Variants in RUNDC3B observed in about 807,000 individuals in gnomAD.
The protein encoded by RUNDC3B is RUN domain containing 3B.
In RUNDC3B, 33 loss-of-function variants were observed where a neutral mutation model predicts 58.4. The ratio of observed to expected loss-of-function variants is 0.56; its 90% CI spans 0.43 to 0.75. RUNDC3B has a LOEUF of 0.75. Ranked by LOEUF, RUNDC3B falls within the 30% of genes least tolerant of loss-of-function variation. The pLI, the probability that RUNDC3B is intolerant of heterozygous loss-of-function variation, is 0.00. For synonymous variants in RUNDC3B, 193 were observed against 195.2 expected, an observed-to-expected ratio of 0.99 and a Z score of 0.10; for missense variants, 501 against 535.7, an observed-to-expected ratio of 0.94 and a Z score of 0.64.
At chr7:87,673,017 T>C (rs1323523855) in intron 2 of RUNDC3B, among the ~76,000 whole-genome samples, 1 of 152,204 alleles carries the variant, frequency 6.6e-6, no homozygotes, top group Non-Finnish European at 1.5e-5. Flanking sequence ...GGAATTCCTT[T>C]TCTATAAGAA....
intron 7 of RUNDC3B, among the ~76,000 whole-genome samples, chr7:87,773,765 C>A (rs1003258922): frequency 6.6e-6 from 1 of 152,034 alleles, no homozygotes; most frequent in Non-Finnish European, 1.5e-5. Flanking sequence ...GAAACCTCCA[C>A]CTCCTGGGTT....
In RUNDC3B at chr7:87,715,878, G is replaced by A. The variant is rs566983090; in HGVS notation, c.458+5223G>A. Among the ~76,000 whole-genome samples, 181 of 152,124 alleles carry A rather than the reference G, an allele frequency of 1.2e-3. 1 individual carries two copies. The highest frequency in any genetic ancestry group is 4.2e-3 in the African/African-American group (173 of 41,508). Reference sequence around the variant, plus strand: ...GAATGGAAAAGTTTTGAAACGGTCTGTATGGAGTAAGTGCGTGATATTGGA... The same window carrying A: ...GAATGGAAAAGTTTTGAAACGGTCTATATGGAGTAAGTGCGTGATATTGGA... On this transcript the variant is annotated intron_variant, in intron 4 of 10. Transcript: ENST00000394654.
At chr7:87,789,331 T>C (rs1835402472) in intron 8 of RUNDC3B, among the ~76,000 whole-genome samples, 1 of 152,220 alleles carries the variant, frequency 6.6e-6, no homozygotes, top group Admixed American at 6.5e-5. Flanking sequence ...TAGTGAAATA[T>C]AAGTAAAGAA....
chr7:87,755,572 G>A (rs547215928), intron 6 of RUNDC3B, among the ~76,000 whole-genome samples: 11 of 151,976 alleles, frequency 7.2e-5, no homozygotes, highest in African/African-American at 2.2e-4. Context: ...TTCAACATAC[G>A]TAATCAATAA....
chr7:87,827,829 A>T (rs968423346), intron 10 of RUNDC3B, among the ~76,000 whole-genome samples: 4 of 152,162 alleles, frequency 2.6e-5, no homozygotes, highest in African/African-American at 9.7e-5. Context: ...CTTCTTAAGT[A>T]CAGATAGAAC....
At chr7:87,696,057 G>C (rs1423025764) in intron 2 of RUNDC3B, among the ~76,000 whole-genome samples, 1 of 152,134 alleles carries the variant, frequency 6.6e-6, no homozygotes, top group Admixed American at 6.5e-5. Context: ...GAGTTGGATT[G>C]ATGGGATGGG....
chr7:87,687,710 G>C (rs1260684716), intron 2 of RUNDC3B, among the ~76,000 whole-genome samples: 1 of 152,076 alleles, frequency 6.6e-6, no homozygotes, highest in Non-Finnish European at 1.5e-5. Flanking sequence ...AAACGAGTTA[G>C]AACTCCTGTG....
intron 8 of RUNDC3B, 56 bp from the exon 9 acceptor site, chr7:87,807,317 C>A: frequency 6.4e-7 from 1 of 1,567,880 alleles, no homozygotes. Flanking sequence ...CCATTAGGTT[C>A]CTCTGCCATT....
At chr7:87,677,468 A>T (rs776518943) in intron 2 of RUNDC3B, among the ~76,000 whole-genome samples, 5 of 152,160 alleles carry the variant, frequency 3.3e-5, no homozygotes, top group Non-Finnish European at 7.4e-5. Context: ...GGAGCCTAAA[A>T]ATAGTCAAAC....
intron 10 of RUNDC3B, among the ~76,000 whole-genome samples, chr7:87,821,078 T>G (rs372158446): frequency 2.7e-5 from 4 of 149,986 alleles, no homozygotes; most frequent in African/African-American, 9.9e-5. Flanking sequence ...GGTATTCAAT[T>G]AGGAAAAGAG....
intron 7 of RUNDC3B, 75 bp from the exon 8 acceptor site, chr7:87,777,723 G>T: frequency 8.7e-7 from 1 of 1,147,732 alleles, no homozygotes; most frequent in Non-Finnish European, 1.3e-6. Context: ...TAGCATTTAA[G>T]CTACTCAGCA....
chr7:87,650,287 A>T (rs1487335245), intron 1 of RUNDC3B, among the ~76,000 whole-genome samples: 1 of 152,164 alleles, frequency 6.6e-6, no homozygotes, highest in African/African-American at 2.4e-5. Context: ...GGCTGCTTTA[A>T]CAAATTGTCT....
chr7:87,652,529 A>G (rs1823676269), intron 2 of RUNDC3B, among the ~76,000 whole-genome samples: 1 of 151,664 alleles, frequency 6.6e-6, no homozygotes. Context: ...ACTAAGATAT[A>G]GTAAGAAAGC....
intron 8 of RUNDC3B, among the ~76,000 whole-genome samples, chr7:87,799,282 A>G (rs1835989805): frequency 6.6e-6 from 1 of 152,244 alleles, no homozygotes. Flanking sequence ...AGGACCAACA[A>G]TAAACAGATA....
intron 1 of RUNDC3B, among the ~76,000 whole-genome samples, chr7:87,643,873 T>A (rs977159200): frequency 6.6e-6 from 1 of 151,698 alleles, no homozygotes; most frequent in African/African-American, 2.4e-5. Context: ...GGGAAATTAC[T>A]TTTTTTGTTT....
chr7:87,807,178 A>G (rs965813875), intron 8 of RUNDC3B, among the ~76,000 whole-genome samples, 195 bp from the exon 9 acceptor site: 4 of 152,044 alleles, frequency 2.6e-5, no homozygotes, highest in Non-Finnish European at 5.9e-5. Flanking sequence ...TAACCAGCGG[A>G]AAAAAAATGA....
At chr7:87,647,385 C>G (rs1270332127) in intron 1 of RUNDC3B, among the ~76,000 whole-genome samples, 1 of 152,144 alleles carries the variant, frequency 6.6e-6, no homozygotes, top group African/African-American at 2.4e-5. Context: ...CCAGAAGCTA[C>G]ATAATGTGTG....
chr7:87,643,340 C>G (rs2130310930), intron 1 of RUNDC3B, among the ~76,000 whole-genome samples: 2 of 151,990 alleles, frequency 1.3e-5, no homozygotes, highest in Middle Eastern at 6.8e-3. Flanking sequence ...TTTTTGGTTC[C>G]AATAAAAGTT....
intron 4 of RUNDC3B, among the ~76,000 whole-genome samples, chr7:87,723,963 TG>T (rs1483451277): frequency 2.6e-5 from 4 of 152,206 alleles, no homozygotes; most frequent in African/African-American, 9.7e-5. Context: ...GGCTCACGCC[TG>T]TAATTCCAGC....
Sources: gnomAD v4.1 joint callset for allele counts (sites outside exome capture counted in the v4.1 genomes callset) on GRCh38, gnomAD v4.1.1 for gene constraint, MANE v1.5 for transcripts, NCBI Gene and HGNC (gene_info 2026-07-23, HGNC 2026-07-21) for gene names.